Variants in SMARCC1 observed in about 807,000 individuals in gnomAD.
SMARCC1 encodes SWI/SNF complex subunit SMARCC1.
Under a neutral mutation model 147.4 loss-of-function variants are expected in SMARCC1, and 43 were observed. The observed-to-expected ratio is 0.29, with a 90% CI of 0.23 to 0.38. The LOEUF (loss-of-function observed/expected upper bound fraction) is 0.38, where lower values mean the gene tolerates loss of function less well. Among genes scored for constraint, SMARCC1 ranks in the 10% least tolerant of loss-of-function variants. The pLI is 1.00. For missense variants in SMARCC1, 1,119 were observed against 1,381.1 expected, an observed-to-expected ratio of 0.81 and a Z score of 3.01; for synonymous variants, 495 against 484.4, an observed-to-expected ratio of 1.02 and a Z score of -0.29.
At chr3:47,681,533 C>G (rs1044062969) in intron 14 of SMARCC1, among the ~76,000 whole-genome samples, 3 of 152,120 alleles carry the variant, frequency 2.0e-5, no homozygotes, top group African/African-American at 7.2e-5. Flanking sequence ...GTTTCTGCTG[C>G]TAATATAAGT....
chr3:47,696,050 G>A (rs576615743), intron 11 of SMARCC1, among the ~76,000 whole-genome samples: 68 of 123,098 alleles, frequency 5.5e-4, no homozygotes, highest in Middle Eastern at 4.6e-3. Context: ...CTGGGTGACT[G>A]AGCAAGACGC....
rs79420385 is a variant in SMARCC1 at position 47,740,725 on chromosome 3, T to C, written c.402-2615A>G. On this transcript the variant is annotated intron_variant, in intron 3 of 27. Transcript: ENST00000254480. ...TTAGTGAGACATCTCATTAGATACC[T>C]TGAGGACAATGGCCAGGTTTTTAAA... Among the ~76,000 whole-genome samples, 403 of 152,144 alleles carry C rather than the reference T, an allele frequency of 2.6e-3. 2 individuals carry two copies. Among genetic ancestry groups the C allele is most frequent in the Admixed American group, 4.4e-3 (67 of 15,266 alleles).
chr3:47,762,469 T>C (rs908990192), intron 2 of SMARCC1, among the ~76,000 whole-genome samples: 17 of 152,196 alleles, frequency 1.1e-4, no homozygotes, highest in African/African-American at 4.1e-4. Flanking sequence ...CAGAAAGAGA[T>C]AGCTTATGAA....
chr3:47,596,833 A>C (rs1159296544), intron 26 of SMARCC1, among the ~76,000 whole-genome samples: 1 of 151,986 alleles, frequency 6.6e-6, no homozygotes, highest in African/African-American at 2.4e-5. Context: ...ATGAGACAGA[A>C]AGGAATAGGA....
chr3:47,607,700 A>C (rs954331406), intron 26 of SMARCC1, among the ~76,000 whole-genome samples: 3 of 152,192 alleles, frequency 2.0e-5, no homozygotes, highest in Admixed American at 1.3e-4. Flanking sequence ...AATTTAGTAA[A>C]CAATAGCCAA....
chr3:47,749,630 G>C (rs1320011374), intron 2 of SMARCC1, among the ~76,000 whole-genome samples: 1 of 91,762 alleles, frequency 1.1e-5, no homozygotes. Flanking sequence ...CCACACCACC[G>C]CACTCCAGCC....
At chr3:47,720,341 T>A (rs1179166169) in intron 7 of SMARCC1, among the ~76,000 whole-genome samples, 1 of 151,892 alleles carries the variant, frequency 6.6e-6, no homozygotes, top group Non-Finnish European at 1.5e-5. Flanking sequence ...ACCAGGCTGG[T>A]CTTGAGCTCC....
intron 2 of SMARCC1, among the ~76,000 whole-genome samples, chr3:47,768,252 T>C (rs2034864253): frequency 6.6e-6 from 1 of 152,208 alleles, no homozygotes; most frequent in Non-Finnish European, 1.5e-5. Context: ...GAATTTTGTT[T>C]TATACCATTA....
At chr3:47,729,791 G>A (rs1046818458) in intron 5 of SMARCC1, among the ~76,000 whole-genome samples, 1 of 152,180 alleles carries the variant, frequency 6.6e-6, no homozygotes, top group South Asian at 2.1e-4. Flanking sequence ...AGGACTATGT[G>A]CAAGCGTAAC....
At chr3:47,759,724 C>G (rs959821692) in intron 2 of SMARCC1, among the ~76,000 whole-genome samples, 2 of 151,354 alleles carry the variant, frequency 1.3e-5, no homozygotes, top group South Asian at 4.2e-4. Flanking sequence ...CACCTGAGGT[C>G]AGGAGTTCAA....
Position 47,635,228 on chromosome 3 carries a change from C to A in SMARCC1, c.2608G>T (p.Ala870Ser), listed in dbSNP as rs562419341. 3 of 1,613,604 alleles carry A rather than the reference C, an allele frequency of 1.9e-6. No homozygotes were observed. Among genetic ancestry groups the A allele is most frequent in the African/African-American group, 1.3e-5 (1 of 74,912 alleles). Residue 870 changes from alanine to serine, a missense_variant, in exon 24 of 28, where the codon GCA becomes TCA. Physicochemically the swap from Ala to Ser is moderately conservative, Grantham distance 99 (BLOSUM62 1). This residue lies in a region of SMARCC1 where 157 missense variants were observed against 158.6 expected (regional missense o/e 0.99). Transcript: ENST00000254480. ...GCCGCTGAGGCAAGAGCAGCTGCTG[C>A]GGCTGTGGCAACATTTCCTTCGGAA... ...EISEGNVATA[A>S]AAALASAATK... is the part of the protein sequence containing the mutation.
chr3:47,718,465 T>G (rs1205471648), intron 7 of SMARCC1, among the ~76,000 whole-genome samples: 1 of 152,104 alleles, frequency 6.6e-6, no homozygotes. Flanking sequence ...TATTTCTTTT[T>G]AAATACATAC....
chr3:47,675,625 CT>C (rs1191934859), intron 17 of SMARCC1, 37 bp from the exon 18 acceptor site: 1 of 1,135,700 alleles, frequency 8.8e-7, no homozygotes, highest in African/African-American at 1.5e-5. Context: ...GAGTTAGCCT[CT>C]TTAAAGTCAA....
chr3:47,614,825 A>G (rs757396523), intron 25 of SMARCC1, among the ~76,000 whole-genome samples: 41 of 152,328 alleles, frequency 2.7e-4, no homozygotes, highest in Non-Finnish European at 5.0e-4. Flanking sequence ...AGGTCCCGCA[A>G]TTATTTCACA....
At chr3:47,755,380 C>T (rs956707397) in intron 2 of SMARCC1, among the ~76,000 whole-genome samples, 10 of 147,320 alleles carry the variant, frequency 6.8e-5, no homozygotes, top group South Asian at 6.5e-4. Flanking sequence ...GCCTGTAGTC[C>T]GAACTACTTG....
chr3:47,770,901 T>A (rs1397322822), intron 2 of SMARCC1, among the ~76,000 whole-genome samples: 1 of 152,100 alleles, frequency 6.6e-6, no homozygotes. Context: ...TACTATTTTT[T>A]AAAATTTTAT....
chr3:47,700,108 T>C (rs1199605391), intron 11 of SMARCC1, among the ~76,000 whole-genome samples: 1 of 152,082 alleles, frequency 6.6e-6, no homozygotes, highest in African/African-American at 2.4e-5. Context: ...TTTGAAGAAC[T>C]GTAATTCATC....
intron 26 of SMARCC1, among the ~76,000 whole-genome samples, chr3:47,607,982 C>G (rs2032503347): frequency 6.6e-6 from 1 of 152,060 alleles, no homozygotes; most frequent in Non-Finnish European, 1.5e-5. Flanking sequence ...CACAAAAAAA[C>G]CCTTTGCTGG....
At position 47,663,721 on chromosome 3, in the gene SMARCC1, G is replaced by A. The variant is rs1576403613; in HGVS notation, c.1900-1129C>T. 2.7e-6 allele frequency: 4 copies of A among 1,507,680 alleles called. No homozygotes were observed. In the Admixed American group the frequency reaches 6.7e-5, roughly 25 times the overall value. The allele number at this position is 1,507,680 out of a possible 1,614,324, so 93.4% of individuals were successfully genotyped here. ...TTTACAGGAATCCAGAGAGTTTCAA[G>A]GAAAAGTTCCTTCACAAGACCCACG... On this transcript the variant is annotated intron_variant, in intron 19 of 27. Transcript: ENST00000254480.
Sources: gnomAD v4.1 joint callset for allele counts (sites outside exome capture counted in the v4.1 genomes callset) on GRCh38, gnomAD v4.1.1 for gene constraint, gnomAD v4.1.1 regional missense constraint, MANE v1.5 for transcripts, NCBI Gene and HGNC (gene_info 2026-07-23, HGNC 2026-07-21) for gene names.